CNGB3: variants seen among roughly 807,000 people sequenced by gnomAD.
The protein encoded by CNGB3 is cyclic nucleotide gated channel subunit beta 3.
In CNGB3, 86 loss-of-function variants were observed where a neutral mutation model predicts 92.8. That is an observed-to-expected ratio of 0.93 (90% CI 0.78 to 1.11). The LOEUF (loss-of-function observed/expected upper bound fraction) is 1.11. Ranked by LOEUF, CNGB3 falls within the 50% of genes least tolerant of loss-of-function variation. The pLI, the probability that CNGB3 is intolerant of heterozygous loss-of-function variation, is 0.00. For missense variants in CNGB3, 1,026 were observed against 956.8 expected (o/e 1.07, Z -0.95); for synonymous variants, 333 against 332.7 (o/e 1.00, Z -0.01).
chr8:86,668,608 G>A (rs1823795348), intron 4 of CNGB3, among the ~76,000 whole-genome samples: 1 of 151,336 alleles, frequency 6.6e-6, no homozygotes, highest in South Asian at 2.1e-4. Context: ...CACTGTGTGT[G>A]TGTTTGTATA....
At position 86,593,173 on chromosome 8, in the gene CNGB3, C is replaced by T. The variant is rs574148896; in HGVS notation, c.1781+10920G>A. Reference sequence around the variant, plus strand: ...GATATAAAATGCTTAGTCCCTTTTCCCCTTAGCAGGTCTTGATTTCAGAAC... The same window carrying T: ...GATATAAAATGCTTAGTCCCTTTTCTCCTTAGCAGGTCTTGATTTCAGAAC... On this transcript the variant is annotated intron_variant, in intron 15 of 17. Coordinates refer to ENST00000320005, the MANE Select transcript of CNGB3 (RefSeq NM_019098.5). Among the ~76,000 whole-genome samples, 24 of 152,218 alleles carry T rather than the reference C, an allele frequency of 1.6e-4. 1 individual carries two copies. Among genetic ancestry groups the T allele is most frequent in the African/African-American group, 5.5e-4 (23 of 41,536 alleles).
chr8:86,739,874 C>A (rs893649600), intron 1 of CNGB3, 138 bp from the exon 2 acceptor site: 11 of 1,067,460 alleles, frequency 1.0e-5, no homozygotes, highest in Admixed American at 4.4e-5. Flanking sequence ...AAAAATGATT[C>A]TTGCATTTAA....
chr8:86,666,906 T>C lies in CNGB3; in HGVS notation c.852+19A>G. ...TGTTATTCACGTTTCAGTTTCTGCC[T>C]TTCCCGAACCCCACTTACTATTATG... On this transcript the variant is annotated intron_variant, in intron 6 of 17. Coordinates refer to ENST00000320005, the MANE Select transcript of CNGB3 (RefSeq NM_019098.5). The C allele has an allele frequency of 6.2e-7, 1 of 1,600,862 alleles. No individual in the cohort carries two copies. The highest frequency in any genetic ancestry group is 1.1e-5 in the South Asian group (1 of 90,746).
chr8:86,609,436 C>T (rs1046074894), intron 14 of CNGB3, among the ~76,000 whole-genome samples: 3 of 152,140 alleles, frequency 2.0e-5, no homozygotes, highest in Admixed American at 2.0e-4. Context: ...ATTCTTGCTT[C>T]CCATTTTATC....
At chr8:86,737,653 A>T (rs998915318) in intron 2 of CNGB3, among the ~76,000 whole-genome samples, 1 of 152,114 alleles carries the variant, frequency 6.6e-6, no homozygotes, top group Non-Finnish European at 1.5e-5. Flanking sequence ...ATTTTGTGTC[A>T]CGGGGGTTTG....
chr8:86,739,845 TGACTG>T, intron 1 of CNGB3, 109 bp from the exon 2 acceptor site: 2 of 1,252,390 alleles, frequency 1.6e-6, no homozygotes, highest in Non-Finnish European at 2.3e-6. Flanking sequence ...TCATTAAAAT[TGACTG>T]TTTATGATGT....
chr8:86,711,816 ACTCTCTCT>A (rs200870640), intron 3 of CNGB3, among the ~76,000 whole-genome samples: 1 of 143,636 alleles, frequency 7.0e-6, no homozygotes, highest in African/African-American at 2.5e-5. Context: ...GTAGTTTACC[ACTCTCTCT>A]CTCTCTCTCT....
intron 3 of CNGB3, among the ~76,000 whole-genome samples, chr8:86,676,029 T>C (rs1046525877): frequency 1.3e-5 from 2 of 152,062 alleles, no homozygotes; most frequent in Non-Finnish European, 2.9e-5. Flanking sequence ...AAAAGGAAGA[T>C]AGGAAAGAAA....
rs553617897 is a variant in CNGB3 at position 86,657,885 on chromosome 8, G to C, written c.853-3823C>G. ...GATGTACTTTCCTGCGGGAGGACAG[G>C]GTTCAGACGCTGGGACCCCTCTGAC... On this transcript the variant is annotated intron_variant, in intron 6 of 17. Transcript: ENST00000320005. 2.2e-5 allele frequency: 12 copies of C among 542,902 alleles called. No homozygotes were observed. The East Asian group carries it at 5.2e-4, about 24-fold the overall frequency. 33.6% of individuals were successfully genotyped at this position (542,902 alleles called of 1,614,324 possible). A position where few individuals can be genotyped will look rare whatever the true frequency, so the allele number is the denominator to read the frequency against.
At chr8:86,709,200 T>A (rs1824705572) in intron 3 of CNGB3, among the ~76,000 whole-genome samples, 1 of 152,112 alleles carries the variant, frequency 6.6e-6, no homozygotes, top group Non-Finnish European at 1.5e-5. Flanking sequence ...TAGATGCAAG[T>A]TTGTTTGGTT....
chr8:86,609,852 A>T (rs1822484430), intron 14 of CNGB3, among the ~76,000 whole-genome samples: 1 of 151,928 alleles, frequency 6.6e-6, no homozygotes, highest in African/African-American at 2.4e-5. Context: ...TTTTTTTTTT[A>T]AACTAAAGAA....
At chr8:86,695,317 G>GGGGAGAGGGAGA (rs1333947613) in intron 3 of CNGB3, among the ~76,000 whole-genome samples, 2 of 151,826 alleles carry the variant, frequency 1.3e-5, no homozygotes, top group South Asian at 4.2e-4. Context: ...CCATGGGGAG[G>GGGGAGAGGGAGA]GGGAGAGGGA....
intron 7 of CNGB3, among the ~76,000 whole-genome samples, chr8:86,650,063 G>T (rs1181792748): frequency 6.6e-6 from 1 of 151,130 alleles, no homozygotes; most frequent in African/African-American, 2.4e-5. Flanking sequence ...CGCCCAAATT[G>T]CATCATATCA....
chr8:86,726,544 C>T lies in CNGB3; in HGVS notation c.325G>A (p.Glu109Lys). ...PEQKEMDPGK[E>K]GPNSPQNKPP... ...TTAAATGCTCACCTGTTTGGACCTT[C>T]TTTCCCGGGGTCCATTTCCTTCTGC... The change falls in exon 3 of 18, where the codon GAA becomes AAA. Residue 109 changes from glutamate (E) to lysine (K), a missense_variant. Transcript: ENST00000320005. The T allele has an allele frequency of 1.2e-6, 2 of 1,613,820 alleles. No homozygotes were observed. Among genetic ancestry groups the T allele is most frequent in the Non-Finnish European group, 1.7e-6 (2 of 1,179,766 alleles).
chr8:86,622,453 A>G (rs1822758201), intron 13 of CNGB3, among the ~76,000 whole-genome samples: 1 of 151,474 alleles, frequency 6.6e-6, no homozygotes, highest in Non-Finnish European at 1.5e-5. Context: ...CAGTTGGATC[A>G]ATTTTGATAA....
At chr8:86,645,991 C>A (rs1242969012) in intron 8 of CNGB3, among the ~76,000 whole-genome samples, 1 of 151,102 alleles carries the variant, frequency 6.6e-6, no homozygotes, top group Non-Finnish European at 1.5e-5. Context: ...TTAATGTTGA[C>A]TGTCAGGATC....
At chr8:86,711,816 A>ACT (rs200870640) in intron 3 of CNGB3, among the ~76,000 whole-genome samples, 45 of 143,616 alleles carry the variant, frequency 3.1e-4, no homozygotes, top group Middle Eastern at 3.7e-3. Flanking sequence ...GTAGTTTACC[A>ACT]CTCTCTCTCT....
In CNGB3 at chr8:86,654,017, ATTTTG is replaced by A. The variant is rs776581420; in HGVS notation, c.893_897del (p.Thr298IlefsTer12). 187 of 1,595,278 alleles carry A rather than the reference ATTTTG, an allele frequency of 1.2e-4. No individual in the cohort carries two copies. Among genetic ancestry groups the A allele is most frequent in the Non-Finnish European group, 1.5e-4 (175 of 1,163,118 alleles). ...TGAAATTGTTTGTCACCTACCTGAAATTTTGTAGAAGTCCTGTAGTGTTTCCTTAG... is the reference window on the plus strand; with the variant it reads ...TGAAATTGTTTGTCACCTACCTGAAATAGAAGTCCTGTAGTGTTTCCTTAG... On this transcript the variant is annotated frameshift_variant, in exon 7 of 18. Transcript: ENST00000320005. LOFTEE classifies it high-confidence loss of function.
At chr8:86,709,653 C>T (rs1372073671) in intron 3 of CNGB3, among the ~76,000 whole-genome samples, 1 of 151,914 alleles carries the variant, frequency 6.6e-6, no homozygotes, top group Admixed American at 6.6e-5. Flanking sequence ...TGTTTTACCG[C>T]ATTGTACAAC....
Sources: allele counts gnomAD v4.1 joint callset (sites outside exome capture counted in the v4.1 genomes callset), GRCh38; gene constraint gnomAD v4.1.1; transcripts MANE v1.5; gene names NCBI Gene and HGNC (gene_info 2026-07-23, HGNC 2026-07-21).